The following COL4A1 variants were observed in gnomAD, a reference collection of about 807,000 sequenced individuals.
COL4A1 encodes collagen alpha-1(IV) chain.
Under a neutral mutation model 216.6 loss-of-function variants are expected in COL4A1, and 40 were observed. That is an observed-to-expected ratio of 0.18 (90% CI 0.14 to 0.24). The LOEUF (loss-of-function observed/expected upper bound fraction) is 0.24, where lower values mean the gene tolerates loss of function less well. Ranked by LOEUF, COL4A1 falls within the 10% of genes least tolerant of loss-of-function variation. The probability of loss-of-function intolerance (pLI) is 1.00; values close to 1 mark genes in which losing one functional copy is unlikely to be tolerated. For synonymous variants in COL4A1, 839 were observed against 810.7 expected (o/e 1.03, Z -0.59); for missense variants, 1,628 against 2,196.8 (o/e 0.74, Z 5.18).
intron 2 of COL4A1, among the ~76,000 whole-genome samples, chr13:110,232,721 T>G (rs933295950): frequency 6.6e-6 from 1 of 152,132 alleles, no homozygotes; most frequent in Non-Finnish European, 1.5e-5. Flanking sequence ...GCTCTGGGCT[T>G]TAAAAGTCAT....
intron 39 of COL4A1, 36 bp downstream of exon 39, chr13:110,174,410 A>T: frequency 1.2e-6 from 2 of 1,608,892 alleles, no homozygotes; most frequent in Non-Finnish European, 1.7e-6. Context: ...ACTGTTCTCT[A>T]TGTGCCCGGG....
intron 1 of COL4A1, among the ~76,000 whole-genome samples, chr13:110,255,509 G>T (rs66656189): frequency 8.4e-6 from 1 of 118,542 alleles, no homozygotes; most frequent in Non-Finnish European, 1.8e-5. Flanking sequence ...ATGAAAGAAC[G>T]GTGATTCCAC....
chr13:110,288,166 A>G (rs1429902093), intron 1 of COL4A1, among the ~76,000 whole-genome samples: 1 of 151,902 alleles, frequency 6.6e-6, no homozygotes, highest in Non-Finnish European at 1.5e-5. Flanking sequence ...CGGGAGGCTA[A>G]GGCAGGAGAA....
intron 2 of COL4A1, among the ~76,000 whole-genome samples, chr13:110,235,232 A>G (rs550066879): frequency 6.6e-6 from 1 of 152,350 alleles, no homozygotes; most frequent in South Asian, 2.1e-4. Flanking sequence ...ACACAAAAAT[A>G]TTTGCTTTCA....
intron 41 of COL4A1, among the ~76,000 whole-genome samples, chr13:110,172,250 C>G (rs955072450): frequency 3.9e-5 from 6 of 152,244 alleles, no homozygotes; most frequent in Admixed American, 3.9e-4. Flanking sequence ...ATGCTCAGCT[C>G]TCTGAGAGAA....
chr13:110,259,451 C>T (rs1397858843), intron 1 of COL4A1, among the ~76,000 whole-genome samples: 2 of 152,140 alleles, frequency 1.3e-5, no homozygotes, highest in African/African-American at 2.4e-5. Context: ...GAGCAAAACA[C>T]AAGATGGGAA....
In COL4A1 at chr13:110,174,449, C is replaced by T; in HGVS notation, c.3403G>A (p.Ala1135Thr). Residue 1135 changes from alanine to threonine, a missense_variant, in exon 39 of 52, where the codon GCA (alanine) becomes ACA (threonine). Coordinates refer to ENST00000375820, the MANE Select transcript of COL4A1 (RefSeq NM_001845.6). Reference sequence around the variant, plus strand: ...TGTCCCAAAGAGGGCCCTCTACCTGCTTCTCCTTTGACACCAGGGATGCCA... The same window carrying T: ...TGTCCCAAAGAGGGCCCTCTACCTGTTTCTCCTTTGACACCAGGGATGCCA... ...LDGIPGVKGE[A>T]GLPGTPGPTG... The T allele has an allele frequency of 6.2e-7, 1 of 1,613,846 alleles. No homozygotes were observed. The highest frequency in any genetic ancestry group is 8.5e-7 in the Non-Finnish European group (1 of 1,180,012).
intron 51 of COL4A1, among the ~76,000 whole-genome samples, chr13:110,151,969 A>T (rs959468562): frequency 6.6e-6 from 1 of 152,238 alleles, no homozygotes; most frequent in Non-Finnish European, 1.5e-5. Flanking sequence ...GATCAGTGTT[A>T]TGAATGGCAT....
At chr13:110,168,617 T>C (rs1336483463) in intron 43 of COL4A1, among the ~76,000 whole-genome samples, 1 of 152,248 alleles carries the variant, frequency 6.6e-6, no homozygotes, top group Non-Finnish European at 1.5e-5. Context: ...CAAGCTTAGC[T>C]ATTCTGTATC....
rs779966583 is a variant in COL4A1 at position 110,201,959 on chromosome 13, G to A, written c.1000-437C>T. Among the ~76,000 whole-genome samples the A allele has an allele frequency of 6.6e-5, 10 of 152,212 alleles. 1 individual carries two copies. Among genetic ancestry groups the A allele is most frequent in the Non-Finnish European group, 1.2e-4 (8 of 68,040 alleles). ...ATGGCACCACTGCACTCCGGCCTGG[G>A]TGACGGAGTGAGACTCTGTCTCAAA... On this transcript the variant is annotated intron_variant, in intron 18 of 51. Coordinates refer to ENST00000375820, the MANE Select transcript of COL4A1 (RefSeq NM_001845.6).
intron 1 of COL4A1, among the ~76,000 whole-genome samples, chr13:110,267,468 A>G (rs923348181): frequency 2.0e-5 from 3 of 152,160 alleles, no homozygotes; most frequent in Non-Finnish European, 2.9e-5. Flanking sequence ...TACAAGCAGA[A>G]GGGCTTGAGG....
chr13:110,307,046 G>T lies in COL4A1; in HGVS notation c.-19C>A. The stretch of plus-strand genomic sequence containing the variant: ...GCCCCATGGTGGCGCGCCCGAGGCG[G>T]CGAGGGACGGCTGCCCGGCGTGCGG... On this transcript the variant is annotated 5_prime_UTR_variant, in exon 1 of 52. Coordinates refer to ENST00000375820, the MANE Select transcript of COL4A1 (RefSeq NM_001845.6). This position sits in a 1 kb window ranked among gnomAD's most constrained non-coding sequence, Gnocchi z 5.0. 6.9e-7 allele frequency: 1 copy of T among 1,450,992 alleles called. No homozygotes were observed. Among genetic ancestry groups the T allele is most frequent in the South Asian group, 1.3e-5 (1 of 74,256 alleles). The allele number at this position is 1,450,992 out of a possible 1,614,324, so 89.9% of individuals were successfully genotyped here. A position where few individuals can be genotyped will look rare whatever the true frequency, so the allele number is the denominator to read the frequency against.
chr13:110,180,426 C>A (rs961005598), intron 29 of COL4A1, among the ~76,000 whole-genome samples: 4 of 152,176 alleles, frequency 2.6e-5, no homozygotes, highest in Admixed American at 6.5e-5. Context: ...CCGGAAGAAA[C>A]CCCCCTGGGA....
At chr13:110,280,332 T>C (rs1395503583) in intron 1 of COL4A1, among the ~76,000 whole-genome samples, 1 of 152,186 alleles carries the variant, frequency 6.6e-6, no homozygotes, top group African/African-American at 2.4e-5. Flanking sequence ...TACCCAGCAA[T>C]AGTCAGCCAC....
At chr13:110,167,006 C>A in intron 44 of COL4A1, 152 bp downstream of exon 44, 2 of 754,090 alleles carry the variant, frequency 2.7e-6, no homozygotes, top group Admixed American at 1.8e-5. Flanking sequence ...ATTGGGCTGC[C>A]ACACAGAAAT....
intron 51 of COL4A1, among the ~76,000 whole-genome samples, chr13:110,151,330 C>T (rs1876487877): frequency 6.6e-6 from 1 of 151,834 alleles, no homozygotes; most frequent in African/African-American, 2.4e-5. Flanking sequence ...CCATCATTAC[C>T]TATCAACCTT....
At chr13:110,194,909 G>GCATATA in intron 22 of COL4A1, 114 bp downstream of exon 22, 3 of 794,982 alleles carry the variant, frequency 3.8e-6, no homozygotes. Flanking sequence ...CAAATAAAAG[G>GCATATA]AACCTACGCC....
chr13:110,167,671 G>A (rs1396061303), intron 43 of COL4A1, among the ~76,000 whole-genome samples: 1 of 152,166 alleles, frequency 6.6e-6, no homozygotes, highest in Non-Finnish European at 1.5e-5. Context: ...TTAGTTTCAT[G>A]TCTTATCTGA....
chr13:110,161,108 A>G, intron 49 of COL4A1, 84 bp downstream of exon 49: 3 of 1,419,314 alleles, frequency 2.1e-6, no homozygotes, highest in Non-Finnish European at 2.0e-6. Flanking sequence ...AACGTTTTGG[A>G]GAAAAATAGA....
Sources: gnomAD v4.1 joint callset for allele counts (sites outside exome capture counted in the v4.1 genomes callset) on GRCh38, gnomAD v4.1.1 for gene constraint, Gnocchi (gnomAD v3.1) non-coding constraint, MANE v1.5 for transcripts, NCBI Gene and HGNC (gene_info 2026-07-23, HGNC 2026-07-21) for gene names.